Variants in CSF2RB observed in about 807,000 individuals in gnomAD.
The protein encoded by CSF2RB is colony stimulating factor 2 receptor subunit beta.
A neutral mutation model predicts 67.2 loss-of-function variants in CSF2RB; 22 were observed. The observed-to-expected ratio is 0.33, with a 90% confidence interval of 0.23 to 0.47. The LOEUF (loss-of-function observed/expected upper bound fraction) is 0.47. Ranked by LOEUF, CSF2RB falls within the 20% of genes least tolerant of loss-of-function variation. CSF2RB has a pLI of 1.00. For missense variants in CSF2RB, 1,113 were observed against 1,174.5 expected (o/e 0.95, Z 0.76); for synonymous variants, 507 against 482.9 (o/e 1.05, Z -0.65).
At chr22:36,926,960 A>G (rs143083916) in intron 4 of CSF2RB, among the ~76,000 whole-genome samples, 122 of 152,206 alleles carry the variant, frequency 8.0e-4, no homozygotes, top group African/African-American at 2.7e-3. Flanking sequence ...GAACCACGGC[A>G]GGCTTGGTGC....
Position 36,923,295 on chromosome 22 carries a change from T to C in CSF2RB, c.128T>C (p.Ile43Thr). 6.2e-7 allele frequency: 1 copy of C among 1,614,158 alleles called. No homozygotes were observed. The highest frequency in any genetic ancestry group is 8.5e-7 in the Non-Finnish European group (1 of 1,180,014). ...TGCTACAACGACTACACCAGCCACA[T>C]CACCTGCAGGTGGGCAGACACCCAG... ...LRCYNDYTSHITCRWADTQDA... is the reference protein window; with the variant it reads ...LRCYNDYTSHTTCRWADTQDA... Residue 43 changes from isoleucine (I) to threonine (T), a missense_variant, in exon 3 of 14, where the codon ATC becomes ACC. By Grantham distance (89) the Ile-to-Thr change is moderately conservative (BLOSUM62 -1). This residue lies in a region of CSF2RB where 559 missense variants were observed against 656.5 expected (regional missense o/e 0.85). Coordinates refer to ENST00000403662, the MANE Select transcript of CSF2RB (RefSeq NM_000395.3).
In CSF2RB at chr22:36,919,182, G is replaced by A. The variant is rs576149743; in HGVS notation, c.-172-2854G>A. Among the ~76,000 whole-genome samples the A allele has an allele frequency of 1.2e-4, 19 of 152,208 alleles. No homozygotes were observed. In the South Asian group the frequency reaches 2.7e-3, roughly 22 times the overall value. On this transcript the variant is annotated intron_variant, in intron 1 of 13. Transcript: ENST00000403662. ...TCTGTTGCCAGGAGGAAAGGGACAC[G>A]GTCTTCCATTGTCTTTCAGACTAGG...
intron 4 of CSF2RB, among the ~76,000 whole-genome samples, chr22:36,928,770 G>A (rs1601586831): frequency 6.6e-6 from 1 of 152,148 alleles, no homozygotes; most frequent in African/African-American, 2.4e-5. Flanking sequence ...ATCTCAGCCT[G>A]GAGGTAGGGA....
At position 36,939,327 on chromosome 22, in the gene CSF2RB, T is replaced by C. The variant is rs16997524; in HGVS notation, c.*825T>C. 2,541 of 697,590 alleles carry C rather than the reference T, an allele frequency of 3.6e-3. 11 individuals carry two copies. Among genetic ancestry groups the C allele is most frequent in the African/African-American group, 0.022 (1,231 of 57,114 alleles). 43.2% of individuals were successfully genotyped at this position (697,590 alleles called of 1,614,324 possible). ...AGGAGAGGAGTCCAGAGCCCACGTCTACTGCGGAAAAGTCAGGGGAAACTG... is the reference window on the plus strand; with the variant it reads ...AGGAGAGGAGTCCAGAGCCCACGTCCACTGCGGAAAAGTCAGGGGAAACTG... On this transcript the variant is annotated 3_prime_UTR_variant, in exon 14 of 14. Coordinates refer to ENST00000403662, the MANE Select transcript of CSF2RB (RefSeq NM_000395.3).
rs890068242 is a variant in CSF2RB, at chr22:36,921,892, C to A, written c.-172-144C>A. ...GGACCCAGTCCCTCAGGCCACACAG[C>A]GCATGTCCATTGCCTTCATGCCGCA... is the stretch of plus-strand genomic sequence containing the variant. On this transcript the variant is annotated intron_variant, in intron 1 of 13. Coordinates refer to ENST00000403662, the MANE Select transcript of CSF2RB (RefSeq NM_000395.3). 1.8e-5 allele frequency: 9 copies of A among 497,746 alleles called. No homozygotes were observed. The Admixed American group carries it at 1.9e-4, about 11-fold the overall frequency. 30.8% of individuals were successfully genotyped at this position (497,746 alleles called of 1,614,324 possible).
chr22:36,935,411 C>T lies in CSF2RB; in HGVS notation c.1376C>T (p.Ala459Val), dbSNP rs1941245814. 6.2e-7 allele frequency: 1 copy of T among 1,614,214 alleles called. No homozygotes were observed. Among genetic ancestry groups the T allele is most frequent in the Non-Finnish European group, 8.5e-7 (1 of 1,180,036 alleles). The change falls in exon 11 of 14, where the codon GCC becomes GTC. Residue 459 changes from alanine to valine, a missense_variant. Coordinates refer to ENST00000403662, the MANE Select transcript of CSF2RB (RefSeq NM_000395.3). ...VIFLTIAVLL[A>V]LRFCGIYGYR... ...TTCCTCACCATCGCTGTGCTCCTGG[C>T]CCTCCGCTTCTGTGGCATCTACGGG...
chr22:36,925,836 A>C, intron 3 of CSF2RB, 151 bp from the exon 4 acceptor site: 1 of 801,152 alleles, frequency 1.2e-6, no homozygotes, highest in East Asian at 2.7e-5. Flanking sequence ...TTCTCCCAGG[A>C]TGGCAGCTCC....
At chr22:36,933,704 A>G (rs1357739544) in intron 9 of CSF2RB, 128 bp from the exon 10 acceptor site, 2 of 1,293,588 alleles carry the variant, frequency 1.5e-6, no homozygotes, top group Non-Finnish European at 2.1e-6. Flanking sequence ...GTGGTGAGAG[A>G]GAAGCCGCAG....
rs373186223 is a variant in CSF2RB, at chr22:36,932,853, C to T, written c.1101C>T (p.His367=). The change falls in exon 9 of 14, where the codon CAC becomes CAT. Residue 367 remains histidine, a synonymous_variant. Transcript: ENST00000403662. ...AAACAATGAAAATGCGATACGAACA[C>T]ATAGACCACACATTTGAGATCCAGT... is the stretch of plus-strand genomic sequence containing the variant. The part of the protein sequence containing the change: ...RWETMKMRYE[H]IDHTFEIQYR... 6.2e-7 allele frequency: 1 copy of T among 1,614,084 alleles called. No individual in the cohort carries two copies. The highest frequency in any genetic ancestry group is 1.3e-5 in the African/African-American group (1 of 74,940).
intron 1 of CSF2RB, among the ~76,000 whole-genome samples, chr22:36,916,075 G>A (rs900279394): frequency 2.0e-5 from 3 of 152,078 alleles, no homozygotes; most frequent in African/African-American, 7.2e-5. Flanking sequence ...CCATGTTTAA[G>A]ATGTCTTATG....
intron 4 of CSF2RB, among the ~76,000 whole-genome samples, chr22:36,928,962 A>G (rs1410221286): frequency 6.6e-6 from 1 of 152,200 alleles, no homozygotes; most frequent in Non-Finnish European, 1.5e-5. Context: ...GGATGTTCCT[A>G]GAGCCGGAGG....
At chr22:36,933,406 G>A (rs1534881) in intron 9 of CSF2RB, among the ~76,000 whole-genome samples, 65,214 of 151,998 alleles carry the variant, frequency 0.43, 15,665 homozygotes, top group East Asian at 0.8. Flanking sequence ...CTGAGGCTAG[G>A]AGGGAGGTGG....
rs545470581 is a variant in CSF2RB, at chr22:36,924,818, G to A, written c.201-1169G>A. 2.3e-4 allele frequency among the ~76,000 whole-genome samples: 35 copies of A among 152,182 alleles called. No individual in the cohort carries two copies. In the South Asian group the frequency reaches 4.6e-3, roughly 20 times the overall value. On this transcript the variant is annotated intron_variant, in intron 3 of 13. Coordinates refer to ENST00000403662, the MANE Select transcript of CSF2RB (RefSeq NM_000395.3). ...TGCCCACAGCTCACCCAGTGCCCCC[G>A]GGGCCCTGCCCATCCTCCTCTTTCT...
intron 1 of CSF2RB, among the ~76,000 whole-genome samples, chr22:36,921,436 C>T (rs893924575): frequency 3.3e-5 from 5 of 149,914 alleles, no homozygotes; most frequent in Admixed American, 6.6e-5. Flanking sequence ...GTGTGTTGTG[C>T]GTGTGTGTGC....
At chr22:36,914,826 T>C (rs908792221) in intron 1 of CSF2RB, among the ~76,000 whole-genome samples, 2 of 152,210 alleles carry the variant, frequency 1.3e-5, no homozygotes, top group Middle Eastern at 3.2e-3. Flanking sequence ...ATTGTTCCAG[T>C]ATACAGATAT....
intron 3 of CSF2RB, among the ~76,000 whole-genome samples, chr22:36,924,943 C>A (rs1374770650): frequency 6.6e-6 from 1 of 152,188 alleles, no homozygotes; most frequent in African/African-American, 2.4e-5. Context: ...GCCCCTGGGG[C>A]ATCTCCCAAA....
chr22:36,915,076 T>TTTTTG lies in CSF2RB; in HGVS notation c.-173+1419_-173+1423dup, dbSNP rs780992204. Among the ~76,000 whole-genome samples, 49 of 152,210 alleles carry TTTTTG rather than the reference T, an allele frequency of 3.2e-4. No homozygotes were observed. In the East Asian group the frequency reaches 4.2e-3, roughly 13 times the overall value. Reference sequence around the variant, plus strand: ...ATATAGTTTTTCTTTTCCTGTTTGTTTTTTGTTTTGTTTTGTTTTGTTTTT... The same window carrying TTTTTG: ...ATATAGTTTTTCTTTTCCTGTTTGTTTTTTGTTTTGTTTTGTTTTGTTTTGTTTTT... On this transcript the variant is annotated intron_variant, in intron 1 of 13. Coordinates refer to ENST00000403662, the MANE Select transcript of CSF2RB (RefSeq NM_000395.3).
At chr22:36,929,159 A>C (rs771603322) in intron 4 of CSF2RB, among the ~76,000 whole-genome samples, 1 of 152,180 alleles carries the variant, frequency 6.6e-6, no homozygotes, top group Non-Finnish European at 1.5e-5. Context: ...AGCGCTTTTT[A>C]TGGAGTTCGG....
chr22:36,935,470 G>C, intron 11 of CSF2RB, 29 bp downstream of exon 11: 24 of 1,610,338 alleles, frequency 1.5e-5, no homozygotes, highest in Non-Finnish European at 2.0e-5. Flanking sequence ...GCTGGAGGTG[G>C]CAGCCGAGAC....
Sources: allele counts gnomAD v4.1 joint callset (sites outside exome capture counted in the v4.1 genomes callset), GRCh38; gene constraint gnomAD v4.1.1; regional missense constraint gnomAD v4.1.1; transcripts MANE v1.5; gene names NCBI Gene and HGNC (gene_info 2026-07-23, HGNC 2026-07-21).